TBC1D22A: variants seen among roughly 807,000 people sequenced by gnomAD.
TBC1D22A encodes the protein TBC1 domain family member 22A.
TBC1D22A carries 38 observed loss-of-function variants against 60.2 expected under a neutral mutation model. The observed-to-expected ratio is 0.63, with a 90% CI of 0.49 to 0.83. The LOEUF is 0.83. Ranked by LOEUF, TBC1D22A falls within the 40% of genes least tolerant of loss-of-function variation. The pLI is 0.00. For synonymous variants in TBC1D22A, 302 were observed against 281.7 expected (o/e 1.07, Z -0.72); for missense variants, 628 against 701.0 (o/e 0.90, Z 1.18).
At chr22:47,014,153 A>C (rs905713081) in intron 10 of TBC1D22A, among the ~76,000 whole-genome samples, 1 of 152,182 alleles carries the variant, frequency 6.6e-6, no homozygotes, top group Non-Finnish European at 1.5e-5. Flanking sequence ...ATGGGGGCTC[A>C]TCAGGTGCAT....
At chr22:46,858,981 G>A (rs1279988076) in intron 4 of TBC1D22A, among the ~76,000 whole-genome samples, 3 of 149,274 alleles carry the variant, frequency 2.0e-5, no homozygotes, top group Non-Finnish European at 4.5e-5. Flanking sequence ...AGAGGTCTGT[G>A]TAGTGCTGTG....
At chr22:47,132,583 C>A (rs559817752) in intron 12 of TBC1D22A, among the ~76,000 whole-genome samples, 1 of 152,354 alleles carries the variant, frequency 6.6e-6, no homozygotes, top group East Asian at 1.9e-4. Context: ...ACATGAGCTG[C>A]CTCCTTGCCT....
intron 11 of TBC1D22A, among the ~76,000 whole-genome samples, chr22:47,103,689 G>T (rs2065507525): frequency 1.3e-5 from 2 of 152,182 alleles, no homozygotes; most frequent in South Asian, 4.1e-4. Context: ...GAAATATTTG[G>T]TCAATTTTAA....
chr22:47,032,101 C>T lies in TBC1D22A; in HGVS notation c.1202-4970C>T, dbSNP rs549344237. 3.1e-4 allele frequency among the ~76,000 whole-genome samples: 47 copies of T among 152,344 alleles called. No homozygotes were observed. The South Asian group carries it at 8.7e-3, about 28-fold the overall frequency. ...TCCCAGGTGGGGACATGCCGAGCCC[C>T]GGCACAGGTGGGCTGCTGCTGCTCT... On this transcript the variant is annotated intron_variant, in intron 10 of 12. Coordinates refer to ENST00000337137, the MANE Select transcript of TBC1D22A (RefSeq NM_014346.5).
At chr22:46,847,391 C>A (rs978782538) in intron 4 of TBC1D22A, among the ~76,000 whole-genome samples, 1 of 152,230 alleles carries the variant, frequency 6.6e-6, no homozygotes, top group Admixed American at 6.5e-5. Flanking sequence ...CTGCCCTAGA[C>A]GTACCCAGTA....
At chr22:47,064,575 A>G (rs2071859743) in intron 11 of TBC1D22A, among the ~76,000 whole-genome samples, 1 of 152,242 alleles carries the variant, frequency 6.6e-6, no homozygotes, top group Admixed American at 6.5e-5. Context: ...TTTAAGGCCA[A>G]GCTGGGCCTG....
In TBC1D22A at chr22:47,017,846, T is replaced by A. The variant is rs117755943; in HGVS notation, c.1202-19225T>A. Among the ~76,000 whole-genome samples the A allele has an allele frequency of 9.9e-3, 1,511 of 152,368 alleles. 10 individuals are homozygous for A. Among genetic ancestry groups the A allele is most frequent in the Non-Finnish European group, 0.016 (1,103 of 68,030 alleles). The stretch of plus-strand genomic sequence containing the variant: ...TCCTTTGATAAAGGAATCTCATTTT[T>A]AAACACCTTCCATCTATTATTTAAA... On this transcript the variant is annotated intron_variant, in intron 10 of 12. Coordinates refer to ENST00000337137, the MANE Select transcript of TBC1D22A (RefSeq NM_014346.5).
chr22:47,112,275 G>A (rs1400675836), intron 12 of TBC1D22A, among the ~76,000 whole-genome samples: 1 of 152,246 alleles, frequency 6.6e-6, no homozygotes, highest in East Asian at 1.9e-4. Flanking sequence ...CCAAGGTGCG[G>A]GCTGGGAAGT....
At chr22:47,081,161 A>G (rs940652475) in intron 11 of TBC1D22A, among the ~76,000 whole-genome samples, 10 of 151,620 alleles carry the variant, frequency 6.6e-5, no homozygotes, top group Non-Finnish European at 1.5e-4. Context: ...CACACTGAGT[A>G]GCATTTGTTC....
intron 8 of TBC1D22A, among the ~76,000 whole-genome samples, chr22:46,936,493 G>T (rs529037748): frequency 6.6e-6 from 1 of 152,180 alleles, no homozygotes; most frequent in Non-Finnish European, 1.5e-5. Context: ...AACTGTGCCC[G>T]CTGGGGCCTG....
chr22:47,120,594 C>T (rs1455118738), intron 12 of TBC1D22A, among the ~76,000 whole-genome samples: 1 of 152,224 alleles, frequency 6.6e-6, no homozygotes, highest in Non-Finnish European at 1.5e-5. Context: ...GGTAGAAGGC[C>T]TGGGGCTGGA....
intron 10 of TBC1D22A, among the ~76,000 whole-genome samples, chr22:47,006,662 T>A (rs1372079668): frequency 6.6e-6 from 1 of 152,072 alleles, no homozygotes; most frequent in Non-Finnish European, 1.5e-5. Context: ...TTGCGTTTTC[T>A]CCCCCCGCTC....
chr22:46,831,019 A>G (rs142096510), intron 4 of TBC1D22A, among the ~76,000 whole-genome samples: 363 of 152,278 alleles, frequency 2.4e-3, no homozygotes, highest in African/African-American at 8.3e-3. Flanking sequence ...CATTGGAGTC[A>G]CGGTGGATGA....
intron 1 of TBC1D22A, among the ~76,000 whole-genome samples, chr22:46,771,270 T>A (rs1395848177): frequency 6.6e-6 from 1 of 152,210 alleles, no homozygotes; most frequent in African/African-American, 2.4e-5. Context: ...ACCATGGGAT[T>A]CCTCATGGAA....
chr22:47,095,173 A>G (rs957497439), intron 11 of TBC1D22A, among the ~76,000 whole-genome samples: 6 of 152,254 alleles, frequency 3.9e-5, no homozygotes, highest in African/African-American at 1.4e-4. Context: ...GGTGATGAAT[A>G]TTTCAAAGGA....
At chr22:47,065,087 G>A (rs918730010) in intron 11 of TBC1D22A, among the ~76,000 whole-genome samples, 1 of 152,128 alleles carries the variant, frequency 6.6e-6, no homozygotes, top group Non-Finnish European at 1.5e-5. Flanking sequence ...GGGTTCAAGC[G>A]ATTCTCAACC....
intron 8 of TBC1D22A, among the ~76,000 whole-genome samples, chr22:46,958,206 C>T (rs549495142): frequency 6.6e-6 from 1 of 152,308 alleles, no homozygotes; most frequent in East Asian, 1.9e-4. Context: ...CGGTTGTGAC[C>T]TCCTGGGAGT....
chr22:46,879,253 G>A (rs867870913), intron 5 of TBC1D22A, among the ~76,000 whole-genome samples: 3 of 151,948 alleles, frequency 2.0e-5, no homozygotes, highest in African/African-American at 4.8e-5. Context: ...TCTGGCTGCC[G>A]CAGCTCTGGC....
intron 4 of TBC1D22A, among the ~76,000 whole-genome samples, chr22:46,852,841 T>C (rs2087355039): frequency 6.6e-6 from 1 of 152,052 alleles, no homozygotes; most frequent in Admixed American, 6.5e-5. Flanking sequence ...CATCTCCCTG[T>C]GCGCAGACCC....
Sources: gnomAD v4.1 joint callset for allele counts (sites outside exome capture counted in the v4.1 genomes callset) on GRCh38, gnomAD v4.1.1 for gene constraint, MANE v1.5 for transcripts, NCBI Gene and HGNC (gene_info 2026-07-23, HGNC 2026-07-21) for gene names.